Variants in KIAA0825 observed in about 807,000 individuals in gnomAD.
KIAA0825 encodes the protein KIAA0825.
Under a neutral mutation model 147.6 loss-of-function variants are expected in KIAA0825, and 119 were observed. That is an observed-to-expected ratio of 0.81 (90% CI 0.69 to 0.94). The LOEUF (loss-of-function observed/expected upper bound fraction) is 0.94, where lower values mean the gene tolerates loss of function less well. Among genes scored for constraint, KIAA0825 ranks in the 40% least tolerant of loss-of-function variants. The pLI is 0.00. For synonymous variants in KIAA0825, 470 were observed against 518.1 expected (o/e 0.91, Z 1.26); for missense variants, 1,381 against 1,472.7 (o/e 0.94, Z 1.02).
At chr5:94,554,716 CTATATA>C (rs70978114) in intron 2 of KIAA0825, among the ~76,000 whole-genome samples, 6,547 of 66,498 alleles carry the variant, frequency 0.098, 245 homozygotes, top group Non-Finnish European at 0.12. Context: ...GTTCTGTGTA[CTATATA>C]TATATATATA....
chr5:94,286,946 G>T (rs1777687111), intron 20 of KIAA0825, among the ~76,000 whole-genome samples: 1 of 152,080 alleles, frequency 6.6e-6, no homozygotes, highest in South Asian at 2.1e-4. Context: ...ACCTCCCTGG[G>T]CTCGTCTTAT....
intron 16 of KIAA0825, among the ~76,000 whole-genome samples, chr5:94,401,826 GTAGTCTCTCACT>G (rs1178453075): frequency 6.6e-6 from 1 of 152,238 alleles, no homozygotes; most frequent in East Asian, 1.9e-4. Flanking sequence ...CTGGTATATA[GTAGTCTCTCACT>G]TAGTAAATTT....
At chr5:94,245,774 A>T (rs1775574425) in intron 20 of KIAA0825, among the ~76,000 whole-genome samples, 1 of 152,172 alleles carries the variant, frequency 6.6e-6, no homozygotes. Flanking sequence ...TTCTACCCTC[A>T]TGGAATCACC....
At chr5:94,323,715 A>G (rs1780421712) in intron 20 of KIAA0825, among the ~76,000 whole-genome samples, 1 of 151,978 alleles carries the variant, frequency 6.6e-6, no homozygotes, top group Admixed American at 6.6e-5. Context: ...GTTTTTAGAA[A>G]GTGTCTAATG....
At chr5:94,261,333 C>A (rs961986117) in intron 20 of KIAA0825, among the ~76,000 whole-genome samples, 5 of 151,912 alleles carry the variant, frequency 3.3e-5, no homozygotes, top group East Asian at 1.9e-4. Flanking sequence ...TAAATAAATA[C>A]ATACATACAT....
chr5:94,526,588 T>C (rs1352301031), intron 3 of KIAA0825, among the ~76,000 whole-genome samples: 1 of 152,014 alleles, frequency 6.6e-6, no homozygotes, highest in East Asian at 1.9e-4. Context: ...TAAATCAATT[T>C]ATAAAGCATT....
intron 12 of KIAA0825, among the ~76,000 whole-genome samples, chr5:94,456,002 C>A (rs1291130393): frequency 6.6e-6 from 1 of 152,020 alleles, no homozygotes; most frequent in Non-Finnish European, 1.5e-5. Context: ...TGCAAGAGAG[C>A]TAGGAAAGGG....
intron 20 of KIAA0825, among the ~76,000 whole-genome samples, chr5:94,222,197 T>G (rs1044314386): frequency 1.3e-5 from 2 of 152,138 alleles, no homozygotes; most frequent in Non-Finnish European, 2.9e-5. Flanking sequence ...TTTTATCTAA[T>G]CAGATAAAAG....
chr5:94,186,127 C>T (rs1016344496), intron 20 of KIAA0825, among the ~76,000 whole-genome samples: 18 of 152,130 alleles, frequency 1.2e-4, no homozygotes, highest in African/African-American at 3.9e-4. Flanking sequence ...TGCAGCAAAA[C>T]ATATAAACAT....
chr5:94,305,515 T>C (rs1250778355), intron 20 of KIAA0825, among the ~76,000 whole-genome samples: 1 of 152,008 alleles, frequency 6.6e-6, no homozygotes, highest in Non-Finnish European at 1.5e-5. Context: ...TAAAGGCAAC[T>C]GTGTGCTCAT....
rs1755699895 is a variant in KIAA0825 at position 94,431,756 on chromosome 5, C to T, written c.2497+8226G>A. 2.6e-5 allele frequency among the ~76,000 whole-genome samples: 4 copies of T among 152,194 alleles called. No individual in the cohort carries two copies. The South Asian group carries it at 8.3e-4, about 32-fold the overall frequency. On this transcript the variant is annotated intron_variant, in intron 14 of 20. Coordinates refer to ENST00000682413, the MANE Select transcript of KIAA0825 (RefSeq NM_001145678.3). ...AAAGGCACTGGTATTAGAGCAGCTG[C>T]CCCTTTCTTCAAGTGACTTCTGCAG...
intron 10 of KIAA0825, among the ~76,000 whole-genome samples, chr5:94,468,861 G>A (rs115724784): frequency 1.3e-5 from 2 of 152,148 alleles, no homozygotes; most frequent in Non-Finnish European, 2.9e-5. Context: ...CTTCAATCTA[G>A]AGGAAAGGGT....
intron 14 of KIAA0825, among the ~76,000 whole-genome samples, chr5:94,430,217 G>C: frequency 6.6e-6 from 1 of 152,128 alleles, no homozygotes. Context: ...AGGTGATCTG[G>C]TGCTCTGAAT....
intron 12 of KIAA0825, among the ~76,000 whole-genome samples, chr5:94,461,232 CA>C (rs1237307766): frequency 6.6e-6 from 1 of 151,876 alleles, no homozygotes; most frequent in East Asian, 1.9e-4. Flanking sequence ...TCATCTGTGA[CA>C]AAGCATGAAA....
At chr5:94,276,904 A>C (rs1777247696) in intron 20 of KIAA0825, among the ~76,000 whole-genome samples, 1 of 152,130 alleles carries the variant, frequency 6.6e-6, no homozygotes, top group South Asian at 2.1e-4. Context: ...TTTCCTAAGC[A>C]CACTTTTGGC....
At chr5:94,521,933 C>T (rs1768290638) in intron 4 of KIAA0825, among the ~76,000 whole-genome samples, 2 of 151,702 alleles carry the variant, frequency 1.3e-5, no homozygotes. Context: ...GTGTGATTCA[C>T]AATTATGAAC....
chr5:94,181,760 T>C (rs1266797501), intron 20 of KIAA0825, among the ~76,000 whole-genome samples: 2 of 152,136 alleles, frequency 1.3e-5, no homozygotes, highest in South Asian at 2.1e-4. Context: ...AAAACAGCAA[T>C]TGAAATTTTG....
At chr5:94,459,499 T>C (rs1759548585) in intron 12 of KIAA0825, among the ~76,000 whole-genome samples, 1 of 152,152 alleles carries the variant, frequency 6.6e-6, no homozygotes, top group African/African-American at 2.4e-5. Context: ...AGTGAAATAG[T>C]TTCTTTTTAA....
In KIAA0825 at chr5:94,593,163, C is replaced by T. The variant is rs7725462; in HGVS notation, c.-152-10580G>A. On this transcript the variant is annotated intron_variant, in intron 1 of 20. Coordinates refer to ENST00000682413, the MANE Select transcript of KIAA0825 (RefSeq NM_001145678.3). ...CACAACAGTTTGCTGGTGAGGCCCA[C>T]GATCCGCTAGTTGAAGCACTAGTTA... 0.015 allele frequency: 11,307 copies of T among 746,784 alleles called. 902 individuals are homozygous for T. In the African/African-American group the frequency reaches 0.17, roughly 11 times the overall value. The allele number at this position is 746,784 out of a possible 1,614,324, so 46.3% of individuals were successfully genotyped here.
Sources: allele counts gnomAD v4.1 joint callset (sites outside exome capture counted in the v4.1 genomes callset), GRCh38; gene constraint gnomAD v4.1.1; transcripts MANE v1.5; gene names NCBI Gene and HGNC (gene_info 2026-07-23, HGNC 2026-07-21).